The following MCOLN2 variants were observed in gnomAD, a reference collection of about 807,000 sequenced individuals.
MCOLN2 encodes the protein mucolipin TRP cation channel 2, also known as mucolipin-2.
A neutral mutation model predicts 67.5 loss-of-function variants in MCOLN2; 57 were observed. The observed-to-expected ratio is 0.84, with a 90% CI of 0.68 to 1.05. MCOLN2 has a LOEUF of 1.05. Ranked by LOEUF, MCOLN2 falls within the 50% of genes least tolerant of loss-of-function variation. The pLI, the probability that MCOLN2 is intolerant of heterozygous loss-of-function variation, is 0.00. For missense variants in MCOLN2, 620 were observed against 678.8 expected (o/e 0.91, Z 0.96); for synonymous variants, 246 against 233.3 (o/e 1.05, Z -0.50).
intron 1 of MCOLN2, among the ~76,000 whole-genome samples, chr1:84,969,556 G>A (rs1201588927): frequency 7.0e-6 from 1 of 142,654 alleles, no homozygotes; most frequent in Non-Finnish European, 1.5e-5. Context: ...GGATGACAGA[G>A]TAAGACTCTG....
intron 7 of MCOLN2, among the ~76,000 whole-genome samples, chr1:84,943,931 C>G (rs1453103645): frequency 6.6e-6 from 1 of 152,158 alleles, no homozygotes; most frequent in Admixed American, 6.5e-5. Flanking sequence ...AACAACTTAG[C>G]TCTATCATAA....
chr1:84,929,301 A>T (rs1183288864), intron 13 of MCOLN2, among the ~76,000 whole-genome samples: 3 of 152,250 alleles, frequency 2.0e-5, no homozygotes, highest in Non-Finnish European at 4.4e-5. Context: ...CTTTAAGGAC[A>T]TAATTTATGC....
In MCOLN2 at chr1:84,946,187, T is replaced by C. The variant is rs942751241; in HGVS notation, c.847+846A>G. On this transcript the variant is annotated intron_variant, in intron 7 of 13. Transcript: ENST00000370608. ...ACTGTCCAAGGCTCAGATCAAAGCA[T>C]ACCTTCTCCAAGAATCATTTCTTTT... Among the ~76,000 whole-genome samples the C allele has an allele frequency of 7.9e-5, 12 of 152,222 alleles. 1 individual carries two copies. Among genetic ancestry groups the C allele is most frequent in the Admixed American group, 7.9e-4 (12 of 15,286 alleles).
Position 84,997,108 on chromosome 1 carries a change from CTG to C in MCOLN2, c.-238_-237del, listed in dbSNP as rs1651201031. The C allele has an allele frequency of 3.6e-6, 2 of 549,612 alleles. No homozygotes were observed. Among genetic ancestry groups the C allele is most frequent in the African/African-American group, 3.9e-5 (2 of 50,878 alleles). 34.0% of individuals were successfully genotyped at this position (549,612 alleles called of 1,614,324 possible). A position where few individuals can be genotyped will look rare whatever the true frequency, so the allele number is the denominator to read the frequency against. On this transcript the variant is annotated 5_prime_UTR_variant, in exon 1 of 14. Transcript: ENST00000370608. ...GTTCTCGGGCGGCTGAAAGGCGGCTCTGTGTGCACCCTGCAGGATGCGGCGCG... is the reference window on the plus strand; with the variant it reads ...GTTCTCGGGCGGCTGAAAGGCGGCTCTGTGCACCCTGCAGGATGCGGCGCG...
chr1:84,957,920 A>G lies in MCOLN2; in HGVS notation c.411+609T>C, dbSNP rs554017040. Among the ~76,000 whole-genome samples the G allele has an allele frequency of 1.5e-3, 233 of 152,376 alleles. 1 individual carries two copies. Among genetic ancestry groups the G allele is most frequent in the African/African-American group, 5.3e-3 (220 of 41,590 alleles). On this transcript the variant is annotated intron_variant, in intron 3 of 13. Transcript: ENST00000370608. ...ATTTATTGAGTGAATGAAAAAGAGC[A>G]GGAACAGTTTCTCTTTCCTAAATTA... is the stretch of plus-strand genomic sequence containing the variant.
At chr1:84,988,718 T>C (rs568901304) in intron 1 of MCOLN2, among the ~76,000 whole-genome samples, 14 of 152,148 alleles carry the variant, frequency 9.2e-5, no homozygotes, top group Non-Finnish European at 1.6e-4. Context: ...AAGTCAGATA[T>C]CACTTCTTTG....
intron 1 of MCOLN2, among the ~76,000 whole-genome samples, chr1:84,987,628 GTATA>G (rs1283340383): frequency 2.0e-5 from 2 of 99,560 alleles, no homozygotes; most frequent in Admixed American, 1.2e-4. Context: ...ATATACATAT[GTATA>G]TATGTATATA....
rs1382377863 is a variant in MCOLN2 at position 84,929,618 on chromosome 1, C to T, written c.1604G>A (p.Ser535Asn). ...GGACTCTTTCTGATACTCTTCTTTG[C>T]TACTGCATTCCTTCAGGAATTCCTG... is the stretch of plus-strand genomic sequence containing the variant. ...DLQEFLKECS[S>N]KEEYQKESSA... Residue 535 changes from serine (S) to asparagine (N), a missense_variant, in exon 13 of 14, where the codon AGC becomes AAC. Ser to Asn is a conservative substitution (Grantham distance 46). Coordinates refer to ENST00000370608, the MANE Select transcript of MCOLN2 (RefSeq NM_153259.4). 1.7e-5 allele frequency: 27 copies of T among 1,613,844 alleles called. No individual in the cohort carries two copies. The highest frequency in any genetic ancestry group is 2.3e-5 in the Non-Finnish European group (27 of 1,179,848).
chr1:84,949,117 G>A (rs1400404904), intron 6 of MCOLN2, among the ~76,000 whole-genome samples: 1 of 152,168 alleles, frequency 6.6e-6, no homozygotes, highest in East Asian at 1.9e-4. Context: ...GCAATAGATT[G>A]AGACTCTGTC....
chr1:84,961,997 C>A (rs1184464214), intron 2 of MCOLN2, among the ~76,000 whole-genome samples: 2 of 152,126 alleles, frequency 1.3e-5, no homozygotes, highest in African/African-American at 2.4e-5. Context: ...TCTCATCAGT[C>A]CTCATACCCA....
At chr1:84,947,902 G>C (rs1022931720) in intron 6 of MCOLN2, among the ~76,000 whole-genome samples, 1 of 152,234 alleles carries the variant, frequency 6.6e-6, no homozygotes, top group African/African-American at 2.4e-5. Context: ...GAACATCTGA[G>C]ACCCTGACAT....
At chr1:84,952,566 G>C (rs369460949) in intron 4 of MCOLN2, 36 bp from the exon 5 acceptor site, 2 of 1,414,008 alleles carry the variant, frequency 1.4e-6, no homozygotes, top group African/African-American at 2.8e-5. Context: ...GGTTGTTTCA[G>C]GCAAGAATTA....
intron 1 of MCOLN2, among the ~76,000 whole-genome samples, chr1:84,995,783 T>G (rs1479335355): frequency 6.7e-6 from 1 of 149,162 alleles, no homozygotes; most frequent in Non-Finnish European, 1.5e-5. Flanking sequence ...TTAAAATATT[T>G]TATATCTATT....
chr1:84,978,433 A>C (rs1438702939), intron 1 of MCOLN2, among the ~76,000 whole-genome samples: 1 of 152,156 alleles, frequency 6.6e-6, no homozygotes, highest in East Asian at 1.9e-4. Context: ...CAAAAGATCA[A>C]TGAAAAAGTT....
chr1:84,952,292 T>C lies in MCOLN2; in HGVS notation c.698A>G (p.Gln233Arg). ...ISFHLKGIDL[Q>R]TIHSRELPDC... ...TGGTAACTCACGGGAATGAATTGTCTGTAGGTCAATGCCTTTAAGATGAAA... is the reference window on the plus strand; with the variant it reads ...TGGTAACTCACGGGAATGAATTGTCCGTAGGTCAATGCCTTTAAGATGAAA... The change falls in exon 6 of 14, where the codon CAG (glutamine) becomes CGG (arginine). Residue 233 changes from glutamine to arginine, a missense_variant. Physicochemically the swap from Gln to Arg is conservative, Grantham distance 43. Transcript: ENST00000370608. The C allele has an allele frequency of 6.2e-7, 1 of 1,613,776 alleles. No homozygotes were observed. The highest frequency in any genetic ancestry group is 1.3e-5 in the African/African-American group (1 of 75,036).
chr1:84,956,436 T>G lies in MCOLN2; in HGVS notation c.560A>C (p.Glu187Ala), dbSNP rs769184272. The change falls in exon 4 of 14, where the codon GAG becomes GCG. Residue 187 changes from glutamate to alanine, a missense_variant. Coordinates refer to ENST00000370608, the MANE Select transcript of MCOLN2 (RefSeq NM_153259.4). ...TGAAATTATCACTGCATTACCGAGC[T>G]CAACGTCGTTGTCAATATTCAGTGT... is the stretch of plus-strand genomic sequence containing the variant. ...NETLNIDNDV[E>A]LDCVQLDLQD... 1 of 1,611,442 alleles carries G rather than the reference T, an allele frequency of 6.2e-7. No individual in the cohort carries two copies. Among genetic ancestry groups the G allele is most frequent in the South Asian group, 1.1e-5 (1 of 90,196 alleles).
chr1:84,982,089 A>T (rs114018103), intron 1 of MCOLN2, among the ~76,000 whole-genome samples: 1,529 of 129,572 alleles, frequency 0.012, 28 homozygotes, highest in African/African-American at 0.042. Context: ...TTTTTTTTTA[A>T]AAAAAAGATG....
chr1:84,978,809 TAC>T (rs918227614), intron 1 of MCOLN2, among the ~76,000 whole-genome samples: 4 of 151,760 alleles, frequency 2.6e-5, no homozygotes, highest in South Asian at 4.1e-4. Context: ...AATATATATA[TAC>T]ACACACACAC....
chr1:84,962,825 T>C (rs1402572801), intron 2 of MCOLN2, among the ~76,000 whole-genome samples: 1 of 152,202 alleles, frequency 6.6e-6, no homozygotes, highest in Non-Finnish European at 1.5e-5. Flanking sequence ...AATTCCTGGC[T>C]AGAGAGGTGA....
Sources: allele counts gnomAD v4.1 joint callset (sites outside exome capture counted in the v4.1 genomes callset), GRCh38; gene constraint gnomAD v4.1.1; transcripts MANE v1.5; gene names NCBI Gene and HGNC (gene_info 2026-07-23, HGNC 2026-07-21).